The following DNAH9 variants were observed in gnomAD, a reference collection of about 807,000 sequenced individuals.
DNAH9 encodes DNAH9 variant protein.
Under a neutral mutation model 471.6 loss-of-function variants are expected in DNAH9, and 345 were observed. The observed-to-expected ratio is 0.73, with a 90% CI of 0.67 to 0.80. DNAH9 has a LOEUF of 0.80. DNAH9 is among the 30% of genes least tolerant of loss of function. The probability of loss-of-function intolerance (pLI) is 0.00; values close to 1 mark genes in which losing one functional copy is unlikely to be tolerated. For synonymous variants in DNAH9, 2,093 were observed against 2,123.6 expected, an observed-to-expected ratio of 0.99 and a Z score of 0.40; for missense variants, 5,407 against 5,609.2, an observed-to-expected ratio of 0.96 and a Z score of 1.15.
At chr17:11,604,258 G>A (rs140737629) in intron 1 of DNAH9, among the ~76,000 whole-genome samples, 2,414 of 152,052 alleles carry the variant, frequency 0.016, 76 homozygotes, top group African/African-American at 0.056. Context: ...TCCTGACCTC[G>A]TGATCTGCCC....
At chr17:11,636,152 C>G (rs965675917) in intron 8 of DNAH9, among the ~76,000 whole-genome samples, 1 of 152,036 alleles carries the variant, frequency 6.6e-6, no homozygotes, top group Non-Finnish European at 1.5e-5. Context: ...ATTACAGGCA[C>G]CCGCCACCAC....
At chr17:11,704,635 G>A (rs1412174572) in intron 25 of DNAH9, among the ~76,000 whole-genome samples, 193 bp downstream of exon 25, 2 of 150,362 alleles carry the variant, frequency 1.3e-5, no homozygotes, top group Non-Finnish European at 2.9e-5. Flanking sequence ...CCAGGCTGGA[G>A]TGCAATGGCA....
At chr17:11,880,417 C>G (rs1972674098) in intron 54 of DNAH9, among the ~76,000 whole-genome samples, 1 of 152,146 alleles carries the variant, frequency 6.6e-6, no homozygotes. Context: ...TTCCATCAGC[C>G]AGTGTCCCAA....
chr17:11,678,209 C>A (rs893051638), intron 17 of DNAH9, among the ~76,000 whole-genome samples: 1 of 152,118 alleles, frequency 6.6e-6, no homozygotes, highest in Non-Finnish European at 1.5e-5. Context: ...AGGCACAGGC[C>A]ACCATGCCTG....
At chr17:11,861,024 ATTC>A (rs1344294795) in intron 50 of DNAH9, among the ~76,000 whole-genome samples, 12 of 119,022 alleles carry the variant, frequency 1.0e-4, no homozygotes, top group Non-Finnish European at 2.2e-4. Flanking sequence ...CTTAGCTGTC[ATTC>A]TTTTTTTTTT....
chr17:11,644,527 C>A, intron 10 of DNAH9, 104 bp from the exon 11 acceptor site: 2 of 808,336 alleles, frequency 2.5e-6, no homozygotes, highest in South Asian at 1.7e-5. Flanking sequence ...GGAAACGAGC[C>A]AAGGAGCTAT....
intron 61 of DNAH9, among the ~76,000 whole-genome samples, chr17:11,915,921 A>G (rs545783745): frequency 3.3e-4 from 51 of 152,334 alleles, no homozygotes; most frequent in Admixed American, 2.4e-3. Context: ...ATCCTTGATG[A>G]CCATGTCATC....
Position 11,598,846 on chromosome 17 carries a change from C to G in DNAH9, c.348C>G (p.Phe116Leu). 1 of 1,524,740 alleles carries G rather than the reference C, an allele frequency of 6.6e-7. No individual in the cohort carries two copies. Among genetic ancestry groups the G allele is most frequent in the Non-Finnish European group, 8.8e-7 (1 of 1,141,380 alleles). 94.5% of individuals were successfully genotyped at this position (1,524,740 alleles called of 1,614,324 possible). The change falls in exon 1 of 69, where the codon TTC (phenylalanine) becomes TTG (leucine). Residue 116 changes from phenylalanine to leucine, a missense_variant. By Grantham distance (22) the Phe-to-Leu change is conservative. Coordinates refer to ENST00000262442, the MANE Select transcript of DNAH9 (RefSeq NM_001372.4). ...CCGAGCCTCCAGGGCCCGACAGCTTCCGCGGCGCAGTGGTCTGCGGGGACC... is the reference window on the plus strand; with the variant it reads ...CCGAGCCTCCAGGGCCCGACAGCTTGCGCGGCGCAGTGGTCTGCGGGGACC... ...TGPEPPGPDS[F>L]RGAVVCGDLP...
At chr17:11,943,352 A>G (rs1190686666) in intron 67 of DNAH9, among the ~76,000 whole-genome samples, 1 of 152,056 alleles carries the variant, frequency 6.6e-6, no homozygotes, top group Non-Finnish European at 1.5e-5. Flanking sequence ...GTTTTTTCAC[A>G]TGGAGTCACA....
At chr17:11,644,038 T>C (rs545784759) in intron 10 of DNAH9, among the ~76,000 whole-genome samples, 3 of 152,264 alleles carry the variant, frequency 2.0e-5, no homozygotes, top group African/African-American at 7.2e-5. Flanking sequence ...GGTGAGTGAA[T>C]GCGAAGGCCT....
At position 11,860,723 on chromosome 17, in the gene DNAH9, G is replaced by A. The variant is rs1046373100; in HGVS notation, c.9933+6295G>A. ...ATTACAGGCATGTGCCACCATGCCC[G>A]GCTAATTTTGTATTTTCAGTAGAGA... is the stretch of plus-strand genomic sequence containing the variant. On this transcript the variant is annotated intron_variant, in intron 50 of 68. Transcript: ENST00000262442. 4.6e-5 allele frequency among the ~76,000 whole-genome samples: 7 copies of A among 151,972 alleles called. 1 individual carries two copies. The East Asian group carries it at 7.7e-4, about 17-fold the overall frequency.
rs772131726 is a variant in DNAH9 at position 11,962,127 on chromosome 17, G to C, written c.13104G>C (p.Glu4368Asp). 3.1e-6 allele frequency: 5 copies of C among 1,614,082 alleles called. No homozygotes were observed. Among genetic ancestry groups the C allele is most frequent in the Non-Finnish European group, 4.2e-6 (5 of 1,180,054 alleles). ...TGCAGTCCACGGCTCGCAAGAATGA[G>C]TGGCCACTGGACCAGATGGCCCTGC... is the stretch of plus-strand genomic sequence containing the variant. The part of the protein sequence containing the change: ...AIMQSTARKN[E>D]WPLDQMALQC... Residue 4368 changes from glutamate to aspartate, a missense_variant, in exon 68 of 69, where the codon GAG (glutamate) becomes GAC (aspartate). Physicochemically the swap from Glu to Asp is conservative, Grantham distance 45. Coordinates refer to ENST00000262442, the MANE Select transcript of DNAH9 (RefSeq NM_001372.4). The surrounding 1 kb of genome is among the most constrained non-coding windows in gnomAD (Gnocchi z 4.1).
At chr17:11,706,911 TAGTC>T (rs1405479266) in intron 26 of DNAH9, among the ~76,000 whole-genome samples, 1 of 151,744 alleles carries the variant, frequency 6.6e-6, no homozygotes, top group African/African-American at 2.4e-5. Context: ...TTGGGGGAGG[TAGTC>T]AGCCATAAAG....
At chr17:11,670,365 A>G (rs2150729416) in intron 17 of DNAH9, among the ~76,000 whole-genome samples, 1 of 152,300 alleles carries the variant, frequency 6.6e-6, no homozygotes, top group East Asian at 1.9e-4. Context: ...CCATGTAGTC[A>G]ACAGTCCCCC....
intron 31 of DNAH9, among the ~76,000 whole-genome samples, chr17:11,745,921 C>A (rs546636428): frequency 6.6e-6 from 1 of 151,892 alleles, no homozygotes. Flanking sequence ...ACAGAAAGTG[C>A]GAGAGGTGAG....
At position 11,929,927 on chromosome 17, in the gene DNAH9, A is replaced by G. The variant is rs1974450521; in HGVS notation, c.11939A>G (p.Glu3980Gly). ...GAGAAGAAGCTGGAGGAGCACAGTG[A>G]GAACAGCCACCCAGAGTTCAGGGTC... ...TLEKKLEEHS[E>G]NSHPEFRVFM... The change falls in exon 63 of 69, where the codon GAG becomes GGG. Residue 3980 changes from glutamate to glycine, a missense_variant. Glu to Gly is a moderately conservative substitution (Grantham distance 98). Transcript: ENST00000262442. 6.2e-7 allele frequency: 1 copy of G among 1,613,958 alleles called. No individual in the cohort carries two copies. Among genetic ancestry groups the G allele is most frequent in the Non-Finnish European group, 8.5e-7 (1 of 1,180,008 alleles).
At position 11,679,825 on chromosome 17, in the gene DNAH9, A is replaced by G. The variant is rs1445868354; in HGVS notation, c.3422A>G (p.Asp1141Gly). 2 of 1,614,092 alleles carry G rather than the reference A, an allele frequency of 1.2e-6. No individual in the cohort carries two copies. The highest frequency in any genetic ancestry group is 3.3e-5 in the Admixed American group (2 of 60,012). Residue 1141 changes from aspartate to glycine, a missense_variant, in exon 18 of 69, where the codon GAT becomes GGT. Around this residue, in one of 3 missense-constraint regions of DNAH9, gnomAD observed 4,636 missense variants for 4,900.3 expected, o/e 0.95. Coordinates refer to ENST00000262442, the MANE Select transcript of DNAH9 (RefSeq NM_001372.4). ...SGLLKKVEKG[D>G]FQGLVEIMGH... The stretch of plus-strand genomic sequence containing the variant: ...TTACTCAAGAAAGTTGAAAAAGGAG[A>G]TTTCCAAGGCTTGGTTGAGATCATG...
chr17:11,681,325 C>T (rs970574630), intron 19 of DNAH9, among the ~76,000 whole-genome samples: 3 of 152,156 alleles, frequency 2.0e-5, no homozygotes, highest in African/African-American at 7.2e-5. Context: ...AGGTTTTCTT[C>T]AGGGGGTTTC....
chr17:11,763,554 T>C lies in DNAH9; in HGVS notation c.7110T>C (p.Tyr2370=). Residue 2370 remains tyrosine (Y), a synonymous_variant, in exon 36 of 69, where the codon TAT becomes TAC. Coordinates refer to ENST00000262442, the MANE Select transcript of DNAH9 (RefSeq NM_001372.4). ...CTGCAGACTGCCCTAAGGAAATTTA[T>C]GAGCATTATTTTGTGTTTGCTGCCA... ...DIPADCPKEI[Y]EHYFVFAAIW... 12 of 1,614,168 alleles carry C rather than the reference T, an allele frequency of 7.4e-6. No homozygotes were observed. The highest frequency in any genetic ancestry group is 1.0e-5 in the Non-Finnish European group (12 of 1,180,030).
Sources: gnomAD v4.1 joint callset for allele counts (sites outside exome capture counted in the v4.1 genomes callset) on GRCh38, gnomAD v4.1.1 for gene constraint, gnomAD v4.1.1 regional missense constraint, Gnocchi (gnomAD v3.1) non-coding constraint, MANE v1.5 for transcripts, NCBI Gene and HGNC (gene_info 2026-07-23, HGNC 2026-07-21) for gene names.